Variants in PARP8 observed in about 807,000 individuals in gnomAD.
The protein encoded by PARP8 is protein mono-ADP-ribosyltransferase PARP8.
A neutral mutation model predicts 124.1 loss-of-function variants in PARP8; 51 were observed. The observed-to-expected ratio is 0.41, with a 90% CI of 0.33 to 0.52. The LOEUF (loss-of-function observed/expected upper bound fraction) is 0.52, where lower values mean the gene tolerates loss of function less well. Ranked by LOEUF, PARP8 falls within the 20% of genes least tolerant of loss-of-function variation. PARP8 has a pLI of 0.21. For synonymous variants in PARP8, 391 were observed against 361.5 expected, an observed-to-expected ratio of 1.08 and a Z score of -0.93; for missense variants, 860 against 1,018.9, an observed-to-expected ratio of 0.84 and a Z score of 2.12.
chr5:50,841,024 G>A (rs1748122900), intron 25 of PARP8, among the ~76,000 whole-genome samples: 1 of 151,878 alleles, frequency 6.6e-6, no homozygotes, highest in Non-Finnish European at 1.5e-5. Context: ...AAGGAGCCAA[G>A]TTCTCTCTGC....
At chr5:50,773,381 T>A (rs374468072) in intron 7 of PARP8, among the ~76,000 whole-genome samples, 7 of 152,252 alleles carry the variant, frequency 4.6e-5, no homozygotes, top group African/African-American at 1.7e-4. Context: ...GTTTCATTTT[T>A]TTGCATGTGC....
intron 7 of PARP8, among the ~76,000 whole-genome samples, chr5:50,774,393 C>G (rs1761942939): frequency 6.6e-6 from 1 of 152,210 alleles, no homozygotes; most frequent in African/African-American, 2.4e-5. Flanking sequence ...GCTGTCACTT[C>G]ACACTTGGAA....
At chr5:50,765,249 C>T (rs1240462906) in intron 7 of PARP8, among the ~76,000 whole-genome samples, 3 of 150,584 alleles carry the variant, frequency 2.0e-5, no homozygotes, top group Non-Finnish European at 4.4e-5. Flanking sequence ...GCAACAAGAG[C>T]GAAACTCCGT....
intron 10 of PARP8, among the ~76,000 whole-genome samples, chr5:50,789,457 C>T (rs1359614427): frequency 6.6e-6 from 1 of 151,716 alleles, no homozygotes; most frequent in Admixed American, 6.6e-5. Context: ...ATCCAGAGGG[C>T]TTGTTGTGGT....
chr5:50,824,616 G>A (rs1016593356), intron 17 of PARP8, among the ~76,000 whole-genome samples: 1 of 152,128 alleles, frequency 6.6e-6, no homozygotes, highest in African/African-American at 2.4e-5. Context: ...TCAACAGGGG[G>A]CTGGAGAGTG....
At chr5:50,752,643 C>A (rs183846143) in intron 3 of PARP8, among the ~76,000 whole-genome samples, 1 of 152,004 alleles carries the variant, frequency 6.6e-6, no homozygotes. Context: ...TTAAAAGATT[C>A]TTTCAAACAA....
chr5:50,715,606 G>T (rs1468049853), intron 2 of PARP8, among the ~76,000 whole-genome samples: 1 of 151,752 alleles, frequency 6.6e-6, no homozygotes, highest in Non-Finnish European at 1.5e-5. Context: ...TTTAAAATTT[G>T]TGTTTTTAAA....
chr5:50,692,894 C>G (rs1249269904), intron 2 of PARP8, among the ~76,000 whole-genome samples: 1 of 152,092 alleles, frequency 6.6e-6, no homozygotes, highest in Non-Finnish European at 1.5e-5. Context: ...TTCATCTCTT[C>G]ACTGAGAGAG....
intron 5 of PARP8, among the ~76,000 whole-genome samples, chr5:50,760,691 AC>A (rs1382339072): frequency 1.3e-5 from 2 of 152,128 alleles, no homozygotes; most frequent in African/African-American, 4.8e-5. Context: ...ACGTGGCTAT[AC>A]ATAATTTTGA....
At chr5:50,804,281 C>T (rs896235938) in intron 14 of PARP8, among the ~76,000 whole-genome samples, 14 of 152,122 alleles carry the variant, frequency 9.2e-5, no homozygotes, top group Non-Finnish European at 1.9e-4. Flanking sequence ...GAAATAAAGA[C>T]AAGTGTTTTC....
At chr5:50,787,334 G>A (rs544299406) in intron 9 of PARP8, among the ~76,000 whole-genome samples, 1 of 152,042 alleles carries the variant, frequency 6.6e-6, no homozygotes, top group South Asian at 2.1e-4. Flanking sequence ...CCTGACATGA[G>A]ACCTTGTTCA....
In PARP8 at chr5:50,707,840, T is replaced by C. The variant is rs567373518; in HGVS notation, c.146+39715T>C. Among the ~76,000 whole-genome samples the C allele has an allele frequency of 9.2e-5, 14 of 152,188 alleles. No individual in the cohort carries two copies. In the South Asian group the frequency reaches 1.0e-3, roughly 11 times the overall value. On this transcript the variant is annotated intron_variant, in intron 2 of 25. Coordinates refer to ENST00000281631, the MANE Select transcript of PARP8 (RefSeq NM_024615.4). Reference sequence around the variant, plus strand: ...TTATTTAACGTATTTTAGAACAATATGCGTGAGTTGCACTTTATTGACATA... The same window carrying C: ...TTATTTAACGTATTTTAGAACAATACGCGTGAGTTGCACTTTATTGACATA...
At chr5:50,670,058 T>G (rs1749827979) in intron 2 of PARP8, among the ~76,000 whole-genome samples, 1 of 152,256 alleles carries the variant, frequency 6.6e-6, no homozygotes, top group Admixed American at 6.5e-5. Context: ...TTGTACCTAA[T>G]GGCGAATACC....
intron 2 of PARP8, among the ~76,000 whole-genome samples, chr5:50,724,503 T>C (rs1756219604): frequency 6.6e-6 from 1 of 152,142 alleles, no homozygotes; most frequent in African/African-American, 2.4e-5. Context: ...TGAATTGATA[T>C]GTAGATGAGT....
chr5:50,791,023 G>T (rs1029958615), intron 10 of PARP8, among the ~76,000 whole-genome samples: 1 of 151,988 alleles, frequency 6.6e-6, no homozygotes, highest in African/African-American at 2.4e-5. Context: ...TTTATAAAAA[G>T]AAACTAAATA....
chr5:50,824,075 A>G (rs27254), intron 17 of PARP8, among the ~76,000 whole-genome samples: 16,925 of 152,252 alleles, frequency 0.11, 992 homozygotes, highest in South Asian at 0.16. Context: ...ATTGTCACGG[A>G]GAGATTGCTC....
chr5:50,678,818 A>G (rs1363807045), intron 2 of PARP8, among the ~76,000 whole-genome samples: 2 of 152,078 alleles, frequency 1.3e-5, no homozygotes, highest in African/African-American at 2.4e-5. Flanking sequence ...CCTTTCCTAT[A>G]CATATGCAGA....
chr5:50,709,770 A>G (rs992546340), intron 2 of PARP8, among the ~76,000 whole-genome samples: 3 of 151,596 alleles, frequency 2.0e-5, no homozygotes, highest in African/African-American at 7.3e-5. Context: ...AGGAGAAAAG[A>G]AAAAGACCAA....
intron 2 of PARP8, among the ~76,000 whole-genome samples, chr5:50,705,488 A>G (rs1172418210): frequency 6.6e-6 from 1 of 152,172 alleles, no homozygotes; most frequent in Non-Finnish European, 1.5e-5. Context: ...AACTAAATAA[A>G]TTTAAAAGGA....
Sources: gnomAD v4.1 joint callset for allele counts (sites outside exome capture counted in the v4.1 genomes callset) on GRCh38, gnomAD v4.1.1 for gene constraint, MANE v1.5 for transcripts, NCBI Gene and HGNC (gene_info 2026-07-23, HGNC 2026-07-21) for gene names.